CACNG4: variants seen among roughly 807,000 people sequenced by gnomAD.
The protein encoded by CACNG4 is voltage-dependent calcium channel gamma-4 subunit.
CACNG4 carries 8 observed loss-of-function variants against 22.9 expected under a neutral mutation model. That is an observed-to-expected ratio of 0.35 (90% CI 0.21 to 0.63). CACNG4 has a LOEUF of 0.63. CACNG4 is among the 30% of genes least tolerant of loss of function. CACNG4 has a pLI of 0.72. For synonymous variants in CACNG4, 188 were observed against 191.9 expected (o/e 0.98, Z 0.17); for missense variants, 357 against 455.4 (o/e 0.78, Z 1.97).
chr17:67,028,409 T>C (rs992927689), intron 3 of CACNG4, among the ~76,000 whole-genome samples: 9 of 151,994 alleles, frequency 5.9e-5, no homozygotes, highest in East Asian at 3.9e-4. Flanking sequence ...AAGAATTAGC[T>C]GGGCATGGTG....
At chr17:66,978,453 G>C (rs1014472920) in intron 1 of CACNG4, among the ~76,000 whole-genome samples, 2 of 152,024 alleles carry the variant, frequency 1.3e-5, no homozygotes, top group African/African-American at 4.8e-5. Context: ...TAATTCCCAG[G>C]GTTCCTCCTG....
intron 1 of CACNG4, among the ~76,000 whole-genome samples, chr17:66,975,370 C>T (rs968633576): frequency 4.6e-5 from 7 of 152,148 alleles, no homozygotes; most frequent in Non-Finnish European, 1.0e-4. Flanking sequence ...ATTGAAGCCA[C>T]ATGGCCCCGG....
intron 1 of CACNG4, 22 bp from the exon 2 acceptor site, chr17:67,018,167 C>CT: frequency 1.3e-6 from 2 of 1,589,614 alleles, no homozygotes; most frequent in Non-Finnish European, 1.7e-6. Flanking sequence ...TTACAGTGTT[C>CT]TTTTCCTCTC....
chr17:66,969,712 C>A (rs1481583389), intron 1 of CACNG4, among the ~76,000 whole-genome samples: 1 of 152,168 alleles, frequency 6.6e-6, no homozygotes, highest in Non-Finnish European at 1.5e-5. Flanking sequence ...CAGGTGCCCA[C>A]AGGTGGGAGG....
At chr17:66,976,220 C>G (rs1043646505) in intron 1 of CACNG4, among the ~76,000 whole-genome samples, 1 of 152,126 alleles carries the variant, frequency 6.6e-6, no homozygotes, top group African/African-American at 2.4e-5. Context: ...CCTGACTCCG[C>G]CACTCACCAT....
At chr17:66,981,958 C>T (rs1281976660) in intron 1 of CACNG4, among the ~76,000 whole-genome samples, 2 of 152,130 alleles carry the variant, frequency 1.3e-5, no homozygotes, top group African/African-American at 2.4e-5. Flanking sequence ...TTTAGAGATA[C>T]GGTCTCACTC....
intron 1 of CACNG4, among the ~76,000 whole-genome samples, chr17:66,981,799 T>C (rs2035275461): frequency 6.6e-6 from 1 of 152,208 alleles, no homozygotes; most frequent in African/African-American, 2.4e-5. Context: ...CCAAGCACAT[T>C]AGGTATTATC....
At chr17:67,015,309 G>C (rs766713041) in intron 1 of CACNG4, among the ~76,000 whole-genome samples, 2 of 152,154 alleles carry the variant, frequency 1.3e-5, no homozygotes, top group East Asian at 1.9e-4. Context: ...ATTTGTAGGA[G>C]AGTCTCAAAA....
At chr17:66,982,113 CAA>C (rs2035279078) in intron 1 of CACNG4, among the ~76,000 whole-genome samples, 2 of 152,114 alleles carry the variant, frequency 1.3e-5, no homozygotes, top group South Asian at 2.1e-4. Context: ...GGCACGGACC[CAA>C]AGAGTGAGCA....
intron 1 of CACNG4, among the ~76,000 whole-genome samples, chr17:66,970,662 T>G (rs2035198231): frequency 6.6e-6 from 1 of 152,138 alleles, no homozygotes; most frequent in Admixed American, 6.5e-5. Flanking sequence ...ACAAGGGCAT[T>G]GGTCTGATCA....
intron 1 of CACNG4, among the ~76,000 whole-genome samples, chr17:66,991,558 G>A (rs2035340683): frequency 6.6e-6 from 1 of 152,130 alleles, no homozygotes. Context: ...CTCCTGTTGG[G>A]TATTCAGTAG....
intron 1 of CACNG4, among the ~76,000 whole-genome samples, chr17:66,999,933 G>A (rs1362502335): frequency 1.3e-5 from 2 of 152,184 alleles, no homozygotes; most frequent in South Asian, 2.1e-4. Flanking sequence ...GAGAGCCAAC[G>A]CCTCCTCCCC....
At chr17:66,982,454 G>A (rs888632949) in intron 1 of CACNG4, among the ~76,000 whole-genome samples, 4 of 152,156 alleles carry the variant, frequency 2.6e-5, no homozygotes, top group South Asian at 2.1e-4. Flanking sequence ...GCCACAGAGC[G>A]CTGATTGGTG....
In CACNG4 at chr17:66,989,060, C is replaced by CAAA. The variant is rs35041834; in HGVS notation, c.220+23948_220+23950dup. On this transcript the variant is annotated intron_variant, in intron 1 of 3. Transcript: ENST00000262138. ...TGGGCAACAGAGCAAGACTCTGCCT[C>CAAA]AAAAAAAAAAAAAAAAAAAAAGGCA... Among the ~76,000 whole-genome samples, 85 of 63,202 alleles carry CAAA rather than the reference C, an allele frequency of 1.3e-3. 3 individuals carry two copies. Among genetic ancestry groups the CAAA allele is most frequent in the African/African-American group, 3.1e-3 (43 of 13,754 alleles). The allele number at this position is 63,202 out of a possible 152,430, so 41.5% of individuals were successfully genotyped here.
intron 1 of CACNG4, among the ~76,000 whole-genome samples, chr17:66,996,554 A>AT (rs1475498428): frequency 1.3e-5 from 2 of 151,556 alleles, no homozygotes; most frequent in Non-Finnish European, 2.9e-5. Context: ...CAATTTTTGT[A>AT]TTTTTTGGTA....
chr17:66,968,814 CCTCTTT>C (rs140678807), intron 1 of CACNG4, among the ~76,000 whole-genome samples: 3,050 of 142,860 alleles, frequency 0.021, 108 homozygotes, highest in African/African-American at 0.066. Flanking sequence ...CCTCCCTTTT[CCTCTTT>C]CTCTTTCAGT....
At chr17:66,985,951 AAAG>A (rs559157203) in intron 1 of CACNG4, among the ~76,000 whole-genome samples, 22 of 147,710 alleles carry the variant, frequency 1.5e-4, no homozygotes, top group South Asian at 6.3e-4. Context: ...AGGAAAAAAA[AAAG>A]AAGAAGAAGA....
intron 1 of CACNG4, among the ~76,000 whole-genome samples, chr17:67,002,677 T>C (rs2035415785): frequency 6.6e-6 from 1 of 151,490 alleles, no homozygotes; most frequent in Non-Finnish European, 1.5e-5. Context: ...AGGCAGGGAA[T>C]CATAGCAGTG....
intron 1 of CACNG4, among the ~76,000 whole-genome samples, chr17:66,998,980 G>A (rs1179011427): frequency 5.3e-5 from 8 of 152,300 alleles, no homozygotes; most frequent in Admixed American, 2.0e-4. Context: ...GTGCCTGCTT[G>A]TATTTCTTCA....
Sources: gnomAD v4.1 joint callset for allele counts (sites outside exome capture counted in the v4.1 genomes callset) on GRCh38, gnomAD v4.1.1 for gene constraint, MANE v1.5 for transcripts, NCBI Gene and HGNC (gene_info 2026-07-23, HGNC 2026-07-21) for gene names.